Variants in UBP1 observed in about 807,000 individuals in gnomAD.
The protein encoded by UBP1 is upstream-binding protein 1.
Under a neutral mutation model 76.1 loss-of-function variants are expected in UBP1, and 22 were observed. The ratio of observed to expected loss-of-function variants is 0.29; its 90% confidence interval spans 0.21 to 0.41. UBP1 has a LOEUF of 0.41. Among genes scored for constraint, UBP1 ranks in the 10% least tolerant of loss-of-function variants. The pLI is 1.00. For synonymous variants in UBP1, 224 were observed against 237.1 expected, an observed-to-expected ratio of 0.94 and a Z score of 0.51; for missense variants, 436 against 668.1, an observed-to-expected ratio of 0.65 and a Z score of 3.83.
At chr3:33,395,450 CTTTT>C (rs1401152687) in intron 13 of UBP1, among the ~76,000 whole-genome samples, 1 of 151,780 alleles carries the variant, frequency 6.6e-6, no homozygotes, top group Non-Finnish European at 1.5e-5. Context: ...AAAATGCTTG[CTTTT>C]TTTAAGGGCC....
At chr3:33,390,554 TC>T (rs1489315645) in intron 15 of UBP1, 186 bp from the exon 16 acceptor site, 1 of 638,170 alleles carries the variant, frequency 1.6e-6, no homozygotes, top group Non-Finnish European at 2.8e-6. Context: ...ATGTACACAT[TC>T]CCTTTTTAGA....
chr3:33,406,239 T>C (rs1475081516), intron 8 of UBP1, among the ~76,000 whole-genome samples: 1 of 152,042 alleles, frequency 6.6e-6, no homozygotes, highest in African/African-American at 2.4e-5. Flanking sequence ...TGAAAGCCCA[T>C]CTCAAAAAAA....
chr3:33,413,053 A>C (rs1187725506), intron 3 of UBP1, among the ~76,000 whole-genome samples: 1 of 152,218 alleles, frequency 6.6e-6, no homozygotes, highest in Non-Finnish European at 1.5e-5. Context: ...ATAAAATGGT[A>C]ACTTAGGTAT....
At chr3:33,428,695 C>CA (rs1345743726) in intron 1 of UBP1, among the ~76,000 whole-genome samples, 3 of 151,684 alleles carry the variant, frequency 2.0e-5, no homozygotes, top group Non-Finnish European at 4.4e-5. Flanking sequence ...AAATGCCTTC[C>CA]AGTCAACACA....
chr3:33,404,197 G>T (rs1456155429), intron 8 of UBP1, among the ~76,000 whole-genome samples: 1 of 152,184 alleles, frequency 6.6e-6, no homozygotes, highest in African/African-American at 2.4e-5. Flanking sequence ...TGGATCATGA[G>T]GTCAGGAGAT....
intron 1 of UBP1, among the ~76,000 whole-genome samples, chr3:33,427,444 A>G (rs1306312780): frequency 2.0e-5 from 3 of 152,252 alleles, no homozygotes; most frequent in Non-Finnish European, 4.4e-5. Flanking sequence ...TGATAATAAC[A>G]GCAACAACAA....
chr3:33,439,830 T>C lies in UBP1; in HGVS notation c.19A>G (p.Met7Val), dbSNP rs924000334. ...AGCCCGGACTCGATCACCTCGTCCA[T>C]CTTGAGCACCCAGGCCATCTTCCGG... MAWVLK[M>V]DEVIESGLVH... Residue 7 changes from methionine to valine, a missense_variant, in exon 1 of 16, where the codon ATG becomes GTG. Physicochemically the swap from Met to Val is conservative, Grantham distance 21. Coordinates refer to ENST00000283629, the MANE Select transcript of UBP1 (RefSeq NM_014517.5). 2 of 1,612,078 alleles carry C rather than the reference T, an allele frequency of 1.2e-6. No individual in the cohort carries two copies. Among genetic ancestry groups the C allele is most frequent in the African/African-American group, 2.7e-5 (2 of 74,786 alleles).
intron 2 of UBP1, among the ~76,000 whole-genome samples, chr3:33,420,529 A>G (rs1041503108): frequency 1.5e-5 from 2 of 132,790 alleles, no homozygotes; most frequent in African/African-American, 5.9e-5. Flanking sequence ...TCACACTGCC[A>G]TCAGGCTGGA....
At chr3:33,412,523 C>CA (rs1336187302) in intron 4 of UBP1, among the ~76,000 whole-genome samples, 199 bp downstream of exon 4, 2 of 150,394 alleles carry the variant, frequency 1.3e-5, no homozygotes. Flanking sequence ...GTAGAGGTTG[C>CA]AGTGAGCCAA....
chr3:33,397,595 A>T (rs958190765), intron 11 of UBP1: 2 of 152,502 alleles, frequency 1.3e-5, no homozygotes, highest in African/African-American at 4.8e-5. Flanking sequence ...AAGAGTTGGT[A>T]GCCGAACTAG....
chr3:33,399,693 A>T (rs373394599), intron 11 of UBP1, among the ~76,000 whole-genome samples: 2 of 152,222 alleles, frequency 1.3e-5, no homozygotes, highest in South Asian at 4.1e-4. Context: ...CAGGAGGGAG[A>T]TCCTTGTAGT....
At chr3:33,425,463 A>T in intron 2 of UBP1, 127 bp downstream of exon 2, 1 of 1,027,762 alleles carries the variant, frequency 9.7e-7, no homozygotes, top group Non-Finnish European at 1.3e-6. Flanking sequence ...AATTTTCATT[A>T]AGTTGTAAAA....
chr3:33,437,799 C>G (rs1321390040), intron 1 of UBP1, among the ~76,000 whole-genome samples: 2 of 152,236 alleles, frequency 1.3e-5, no homozygotes, highest in African/African-American at 4.8e-5. Context: ...AGGCCTGCAG[C>G]AGCTAACGCC....
chr3:33,439,244 T>C (rs2045248630), intron 1 of UBP1, among the ~76,000 whole-genome samples: 1 of 152,248 alleles, frequency 6.6e-6, no homozygotes, highest in South Asian at 2.1e-4. Flanking sequence ...CTCCCACCGC[T>C]GCTCTTTCAA....
chr3:33,390,451 A>C, intron 15 of UBP1, 83 bp from the exon 16 acceptor site: 1 of 1,430,774 alleles, frequency 7.0e-7, no homozygotes. Flanking sequence ...TGCCAACTAC[A>C]ACCTCCCTTC....
At chr3:33,434,624 C>G (rs1034742687) in intron 1 of UBP1, among the ~76,000 whole-genome samples, 1 of 150,994 alleles carries the variant, frequency 6.6e-6, no homozygotes, top group East Asian at 1.9e-4. Flanking sequence ...AAGCTATGGC[C>G]TAAGAGCTAA....
intron 13 of UBP1, 52 bp downstream of exon 13, chr3:33,396,110 T>C: frequency 2.7e-6 from 4 of 1,462,168 alleles, no homozygotes; most frequent in Non-Finnish European, 3.7e-6. Context: ...TCCTTTCCGT[T>C]TCTGTCTGAC....
intron 8 of UBP1, among the ~76,000 whole-genome samples, chr3:33,404,899 A>G (rs1295510110): frequency 6.6e-6 from 1 of 152,180 alleles, no homozygotes; most frequent in Non-Finnish European, 1.5e-5. Flanking sequence ...AAAATTCTAG[A>G]AGTTATATTC....
intron 12 of UBP1, chr3:33,396,820 T>A (rs1467661137): frequency 1.5e-6 from 1 of 669,814 alleles, no homozygotes; most frequent in Non-Finnish European, 2.7e-6. Flanking sequence ...TGTGCATTTC[T>A]ACCAGTCTTA....
Sources: gnomAD v4.1 joint callset for allele counts (sites outside exome capture counted in the v4.1 genomes callset) on GRCh38, gnomAD v4.1.1 for gene constraint, MANE v1.5 for transcripts, NCBI Gene and HGNC (gene_info 2026-07-23, HGNC 2026-07-21) for gene names.